The following SLTM variants were observed in gnomAD, a reference collection of about 807,000 sequenced individuals.
SLTM encodes the protein SAFB like transcription modulator.
A neutral mutation model predicts 134.6 loss-of-function variants in SLTM; 43 were observed. That is an observed-to-expected ratio of 0.32 (90% CI 0.25 to 0.41). The LOEUF (loss-of-function observed/expected upper bound fraction) is 0.41. Among genes scored for constraint, SLTM ranks in the 10% least tolerant of loss-of-function variants. The pLI, the probability that SLTM is intolerant of heterozygous loss-of-function variation, is 1.00. For synonymous variants in SLTM, 424 were observed against 432.3 expected (o/e 0.98, Z 0.24); for missense variants, 1,055 against 1,288.8 (o/e 0.82, Z 2.78).
chr15:58,888,567 A>AT lies in SLTM; in HGVS notation c.2205-13dup, dbSNP rs2034411321. 6.2e-7 allele frequency: 1 copy of AT among 1,611,516 alleles called. No individual in the cohort carries two copies. Among genetic ancestry groups the AT allele is most frequent in the South Asian group, 1.1e-5 (1 of 90,866 alleles). Reference sequence around the variant, plus strand: ...AAGGATCATCTCGCCTTGAAGAGAAATATTTGCTTATTTACATAAATTAGT... The same window carrying AT: ...AAGGATCATCTCGCCTTGAAGAGAAATTATTTGCTTATTTACATAAATTAGT... On this transcript the variant is annotated splice_polypyrimidine_tract_variant and intron_variant, in intron 16 of 20. Transcript: ENST00000380516.
chr15:58,933,383 C>G, intron 1 of SLTM, 21 bp downstream of exon 1: 2 of 1,568,302 alleles, frequency 1.3e-6, no homozygotes, highest in Non-Finnish European at 1.7e-6. Flanking sequence ...CCGGTCCTTT[C>G]CGGTCCTCGC....
In SLTM at chr15:58,899,237, C is replaced by T; in HGVS notation, c.1058+232G>A. On this transcript the variant is annotated intron_variant, in intron 7 of 20. Transcript: ENST00000380516. This position sits in a 1 kb window ranked among gnomAD's most constrained non-coding sequence, Gnocchi z 5.0. ...AAAAAAAACAAAAAACAAAAAACAA[C>T]AAAAAAACCAAATATATGCTGACAT... 7.1e-6 allele frequency: 3 copies of T among 423,670 alleles called. No homozygotes were observed. The highest frequency in any genetic ancestry group is 1.2e-5 in the Non-Finnish European group (3 of 244,450). The allele number at this position is 423,670 out of a possible 1,614,324, so 26.2% of individuals were successfully genotyped here.
intron 2 of SLTM, among the ~76,000 whole-genome samples, chr15:58,920,281 A>G (rs1187935446): frequency 1.3e-5 from 2 of 151,794 alleles, no homozygotes; most frequent in Non-Finnish European, 2.9e-5. Flanking sequence ...AGATCGCCCC[A>G]CTGCACTCAT....
chr15:58,893,255 C>T (rs1595853363), intron 13 of SLTM, 24 bp downstream of exon 13: 1 of 1,570,976 alleles, frequency 6.4e-7, no homozygotes, highest in Non-Finnish European at 8.7e-7. Flanking sequence ...AAGTAGTATA[C>T]AACCATCCTG....
At chr15:58,898,748 T>A in intron 8 of SLTM, 55 bp downstream of exon 8, 1 of 1,391,732 alleles carries the variant, frequency 7.2e-7, no homozygotes, top group Non-Finnish European at 1.0e-6. Flanking sequence ...CTACTACTTT[T>A]TAATGAAAAT....
At chr15:58,880,693 T>G (rs1444967372) in intron 20 of SLTM, among the ~76,000 whole-genome samples, 5 of 152,128 alleles carry the variant, frequency 3.3e-5, no homozygotes, top group African/African-American at 4.8e-5. Context: ...GCCACCAGAG[T>G]AGCTAGGACT....
chr15:58,887,299 C>T lies in SLTM; in HGVS notation c.2617G>A (p.Ala873Thr), dbSNP rs770067315. 3 of 1,614,108 alleles carry T rather than the reference C, an allele frequency of 1.9e-6. No homozygotes were observed. The Admixed American group carries it at 5.0e-5, about 27-fold the overall frequency. The change falls in exon 18 of 21, where the codon GCA (alanine) becomes ACA (threonine). Residue 873 changes from alanine to threonine, a missense_variant. Ala to Thr is a moderately conservative substitution (Grantham distance 58, BLOSUM62 0). Transcript: ENST00000380516. The stretch of plus-strand genomic sequence containing the variant: ...GTGGGTCTGGAAGGATTGGGCCCTG[C>T]CTCTCGAGGATGTCTAGGATGAGTG... Reference protein sequence around the residue: ...DITHPRHPREAGPNPSRPTSW... With the variant: ...DITHPRHPRETGPNPSRPTSW...
chr15:58,888,700 C>A, intron 16 of SLTM, 145 bp from the exon 17 acceptor site: 1 of 591,624 alleles, frequency 1.7e-6, no homozygotes, highest in East Asian at 3.1e-5. Flanking sequence ...GGAGTACAAA[C>A]TAGCAAAGAC....
At chr15:58,922,499 T>G (rs2037135118) in intron 2 of SLTM, among the ~76,000 whole-genome samples, 1 of 145,616 alleles carries the variant, frequency 6.9e-6, no homozygotes, top group Non-Finnish European at 1.5e-5. Context: ...ATATGCATAT[T>G]ATATATTATA....
chr15:58,894,705 G>GTTT (rs3052966), intron 9 of SLTM, 123 bp from the exon 10 acceptor site: 7,026 of 513,642 alleles, frequency 0.014, 1 homozygote, highest in Non-Finnish European at 0.017. Flanking sequence ...TCTGTCTCAT[G>GTTT]TTTTTTTTTT....
intron 5 of SLTM, among the ~76,000 whole-genome samples, chr15:58,911,988 CAG>C (rs1348030365): frequency 6.6e-6 from 1 of 151,898 alleles, no homozygotes; most frequent in Non-Finnish European, 1.5e-5. Flanking sequence ...GACTAGTAAC[CAG>C]AGTTAGGTTT....
At chr15:58,889,308 C>T in intron 16 of SLTM, 122 bp downstream of exon 16, 2 of 1,293,456 alleles carry the variant, frequency 1.5e-6, no homozygotes, top group Non-Finnish European at 2.1e-6. Context: ...TAATCCTTCC[C>T]ATCCCTGTTG....
chr15:58,925,388 A>G (rs2037388316), intron 2 of SLTM, among the ~76,000 whole-genome samples: 1 of 152,168 alleles, frequency 6.6e-6, no homozygotes, highest in African/African-American at 2.4e-5. Context: ...CCCAGGCTGG[A>G]GTGCAGTGGC....
At chr15:58,915,715 G>GT (rs2036589574) in intron 3 of SLTM, among the ~76,000 whole-genome samples, 1 of 152,084 alleles carries the variant, frequency 6.6e-6, no homozygotes, top group African/African-American at 2.4e-5. Flanking sequence ...GTGTCTGTGT[G>GT]TGTGTGTGCA....
chr15:58,930,072 G>C (rs1282133776), intron 2 of SLTM, among the ~76,000 whole-genome samples: 1 of 151,894 alleles, frequency 6.6e-6, no homozygotes, highest in African/African-American at 2.4e-5. Context: ...TTTTTGTCAT[G>C]CATCTCTTAG....
rs373068146 is a variant in SLTM, at chr15:58,933,537, G to T, written c.29C>A (p.Ala10Asp). The change falls in exon 1 of 21, where the codon GCC becomes GAC. Residue 10 changes from alanine to aspartate, a missense_variant. Transcript: ENST00000380516. ...TTCCGCCTGACCCGAGGCGGCCGAG[G>T]CTGCCACCGCACCGGTAGCGGCAGC... MAAATGAVA[A>D]SAASGQAEGK... is the part of the protein sequence containing the mutation. 3.8e-6 allele frequency: 6 copies of T among 1,595,500 alleles called. No homozygotes were observed. The South Asian group carries it at 6.7e-5, about 18-fold the overall frequency.
intron 19 of SLTM, 36 bp from the exon 20 acceptor site, chr15:58,883,822 G>GC (rs1289320443): frequency 1.2e-6 from 2 of 1,609,388 alleles, no homozygotes; most frequent in African/African-American, 1.3e-5. Flanking sequence ...ACTTGGCCGG[G>GC]CGCAGTGGCT....
Position 58,899,841 on chromosome 15 carries a change from A to G in SLTM, c.686T>C (p.Met229Thr), listed in dbSNP as rs766100233. 3.1e-6 allele frequency: 5 copies of G among 1,614,166 alleles called. No homozygotes were observed. The highest frequency in any genetic ancestry group is 2.2e-5 in the South Asian group (2 of 91,080). ...AEADHTAHEE[M>T]EAHTTVKEAE... Reference sequence around the variant, plus strand: ...TTCTTTCACAGTCGTATGAGCTTCCATCTCTTCATGAGCTGTGTGATCAGC... The same window carrying G: ...TTCTTTCACAGTCGTATGAGCTTCCGTCTCTTCATGAGCTGTGTGATCAGC... Residue 229 changes from methionine to threonine, a missense_variant, in exon 7 of 21, where the codon ATG (methionine) becomes ACG (threonine). Physicochemically the swap from Met to Thr is moderately conservative, Grantham distance 81. Around this residue, in one of 3 missense-constraint regions of SLTM, gnomAD observed 268 missense variants for 284.3 expected, o/e 0.94. Transcript: ENST00000380516. The surrounding 1 kb of genome is among the most constrained non-coding windows in gnomAD (Gnocchi z 5.0).
At chr15:58,916,557 A>G (rs1192305705) in intron 3 of SLTM, 2 of 173,824 alleles carry the variant, frequency 1.2e-5, no homozygotes, top group African/African-American at 2.4e-5. Context: ...AGTTCTGTAT[A>G]TTATATACAA....
Sources: allele counts gnomAD v4.1 joint callset (sites outside exome capture counted in the v4.1 genomes callset), GRCh38; gene constraint gnomAD v4.1.1; regional missense constraint gnomAD v4.1.1; non-coding constraint Gnocchi (gnomAD v3.1); transcripts MANE v1.5; gene names NCBI Gene and HGNC (gene_info 2026-07-23, HGNC 2026-07-21).